Variants in AP4E1 observed in about 807,000 individuals in gnomAD.
AP4E1 encodes AP-4 complex subunit epsilon-1.
In AP4E1, 56 loss-of-function variants were observed where a neutral mutation model predicts 128.2. The ratio of observed to expected loss-of-function variants is 0.44; its 90% CI spans 0.35 to 0.55. The LOEUF (loss-of-function observed/expected upper bound fraction) is 0.55, where lower values mean the gene tolerates loss of function less well. Among genes scored for constraint, AP4E1 ranks in the 20% least tolerant of loss-of-function variants. AP4E1 has a pLI of 0.00. For synonymous variants in AP4E1, 484 were observed against 473.1 expected, an observed-to-expected ratio of 1.02 and a Z score of -0.30; for missense variants, 1,324 against 1,307.7, an observed-to-expected ratio of 1.01 and a Z score of -0.19.
chr15:51,005,164 G>A lies in AP4E1; in HGVS notation c.*2502G>A, dbSNP rs1362477198. The A allele has an allele frequency of 1.3e-5, 2 of 152,380 alleles. No homozygotes were observed. Among genetic ancestry groups the A allele is most frequent in the South Asian group, 2.1e-4 (1 of 4,836 alleles). The allele number at this position is 152,380 out of a possible 1,614,324, so 9.4% of individuals were successfully genotyped here. On this transcript the variant is annotated 3_prime_UTR_variant, in exon 21 of 21. Transcript: ENST00000261842. ...GCCTCCCAAAGTGCTGGGATTACAGGCGTGAGCCACTGCGCCCGGCCAAAT... is the reference window on the plus strand; with the variant it reads ...GCCTCCCAAAGTGCTGGGATTACAGACGTGAGCCACTGCGCCCGGCCAAAT...
chr15:50,922,455 G>T (rs2063717106), intron 3 of AP4E1, among the ~76,000 whole-genome samples: 1 of 152,164 alleles, frequency 6.6e-6, no homozygotes, highest in South Asian at 2.1e-4. Context: ...CTCTAGTGAA[G>T]GTGTTGGAAT....
intron 16 of AP4E1, among the ~76,000 whole-genome samples, chr15:50,990,824 A>T (rs2064796468): frequency 6.6e-6 from 1 of 152,022 alleles, no homozygotes; most frequent in African/African-American, 2.4e-5. Flanking sequence ...CTCCTTTTGT[A>T]CCTCCTGCCC....
At chr15:50,937,939 A>G (rs1031722259) in intron 8 of AP4E1, among the ~76,000 whole-genome samples, 11 of 152,202 alleles carry the variant, frequency 7.2e-5, no homozygotes, top group African/African-American at 2.4e-4. Context: ...TGATAACATG[A>G]GAATATCATT....
intron 5 of AP4E1, among the ~76,000 whole-genome samples, chr15:50,926,609 T>C (rs2063772114): frequency 6.6e-6 from 1 of 151,916 alleles, no homozygotes; most frequent in Non-Finnish European, 1.5e-5. Context: ...GTATTCTTTT[T>C]TTTTTTTGAG....
In AP4E1 at chr15:50,997,316, A is replaced by G. The variant is rs1477330909; in HGVS notation, c.2347-10A>G. 1 of 1,580,830 alleles carries G rather than the reference A, an allele frequency of 6.3e-7. No individual in the cohort carries two copies. The highest frequency in any genetic ancestry group is 8.5e-7 in the Non-Finnish European group (1 of 1,169,676). ...ATTTCTTTTTATATTATTATGTTTT[A>G]TTTTTGCAGCTGGGAAAAGCAGATA... is the stretch of plus-strand genomic sequence containing the variant. On this transcript the variant is annotated splice_polypyrimidine_tract_variant and intron_variant, in intron 17 of 20. Coordinates refer to ENST00000261842, the MANE Select transcript of AP4E1 (RefSeq NM_007347.5).
intron 15 of AP4E1, among the ~76,000 whole-genome samples, chr15:50,971,433 T>C (rs1239521246): frequency 6.6e-6 from 1 of 152,138 alleles, no homozygotes; most frequent in East Asian, 1.9e-4. Context: ...AGGACCTGCT[T>C]GGGGTTGAAT....
chr15:50,949,795 G>A (rs2064119436), intron 11 of AP4E1, 31 bp from the exon 12 acceptor site: 1 of 1,476,854 alleles, frequency 6.8e-7, no homozygotes, highest in African/African-American at 1.4e-5. Context: ...GTAGCATTTG[G>A]AAGTGTACTT....
intron 7 of AP4E1, 51 bp downstream of exon 7, chr15:50,931,022 G>A (rs1230220722): frequency 1.9e-6 from 3 of 1,602,862 alleles, no homozygotes; most frequent in Admixed American, 1.7e-5. Context: ...CAGATGATAA[G>A]CTTAGACTTT....
chr15:50,967,488 A>G (rs1292157210), intron 14 of AP4E1, among the ~76,000 whole-genome samples: 2 of 152,188 alleles, frequency 1.3e-5, no homozygotes, highest in East Asian at 3.9e-4. Context: ...CAAGAAACAG[A>G]TTCCCCTGGT....
chr15:51,005,601 A>G lies in AP4E1; in HGVS notation c.*2939A>G, dbSNP rs2065009307. 1 of 152,580 alleles carries G rather than the reference A, an allele frequency of 6.6e-6. No individual in the cohort carries two copies. Among genetic ancestry groups the G allele is most frequent in the African/African-American group, 2.4e-5 (1 of 41,456 alleles). The allele number at this position is 152,580 out of a possible 1,614,324, so 9.5% of individuals were successfully genotyped here. On this transcript the variant is annotated 3_prime_UTR_variant, in exon 21 of 21. Coordinates refer to ENST00000261842, the MANE Select transcript of AP4E1 (RefSeq NM_007347.5). ...TGTTCTACTATCATCTACCAAAATA[A>G]TTGTGGTAAAAGTGTAGTATTTTAT... is the stretch of plus-strand genomic sequence containing the variant.
chr15:50,946,562 T>TG (rs1479870593), intron 10 of AP4E1, among the ~76,000 whole-genome samples: 1 of 150,362 alleles, frequency 6.7e-6, no homozygotes, highest in Non-Finnish European at 1.5e-5. Context: ...CTTTCAGCGT[T>TG]GAAAAAAAAA....
At position 50,964,955 on chromosome 15, in the gene AP4E1, C is replaced by CCCCACACACACACACACACA. The variant is rs1555459128; in HGVS notation, c.1852-3307_1852-3306insCCACACACACACACACACAC. On this transcript the variant is annotated intron_variant, in intron 14 of 20. Coordinates refer to ENST00000261842, the MANE Select transcript of AP4E1 (RefSeq NM_007347.5). ...TTGTAAAGTATAACACCTCCCCCTA[C>CCCCACACACACACACACACA]CACACACACACACACACACACACAC... Among the ~76,000 whole-genome samples the CCCCACACACACACACACACA allele has an allele frequency of 6.2e-4, 82 of 131,458 alleles. 1 individual carries two copies. The highest frequency in any genetic ancestry group is 9.3e-4 in the African/African-American group (31 of 33,206). The allele number at this position is 131,458 out of a possible 152,430, so 86.2% of individuals were successfully genotyped here.
At chr15:50,920,748 C>A (rs7181222) in intron 3 of AP4E1, among the ~76,000 whole-genome samples, 1 of 152,058 alleles carries the variant, frequency 6.6e-6, no homozygotes, top group African/African-American at 2.4e-5. Flanking sequence ...CTCATCCACT[C>A]CTGAATTTTA....
chr15:50,920,963 C>T (rs1014662249), intron 3 of AP4E1, among the ~76,000 whole-genome samples: 6 of 151,928 alleles, frequency 3.9e-5, no homozygotes, highest in Non-Finnish European at 8.8e-5. Context: ...CCATCACACC[C>T]GGCTAATTTT....
intron 6 of AP4E1, among the ~76,000 whole-genome samples, chr15:50,929,420 G>C (rs1340983314): frequency 6.6e-6 from 1 of 150,486 alleles, no homozygotes; most frequent in Non-Finnish European, 1.5e-5. Context: ...GGTATCAGTG[G>C]AAGGTGTCTT....
chr15:50,921,804 T>G (rs950897362), intron 3 of AP4E1, among the ~76,000 whole-genome samples: 1 of 152,214 alleles, frequency 6.6e-6, no homozygotes, highest in African/African-American at 2.4e-5. Flanking sequence ...GTTATTATTC[T>G]TTGTTTCTCT....
chr15:50,976,966 A>G (rs2064560696), intron 15 of AP4E1, among the ~76,000 whole-genome samples: 1 of 152,238 alleles, frequency 6.6e-6, no homozygotes, highest in Non-Finnish European at 1.5e-5. Context: ...TTTATATGTT[A>G]TTTAGCACAG....
chr15:50,967,814 T>C (rs2064414035), intron 14 of AP4E1, among the ~76,000 whole-genome samples: 1 of 152,358 alleles, frequency 6.6e-6, no homozygotes, highest in East Asian at 1.9e-4. Flanking sequence ...GGTAGCATTT[T>C]CATTCATTCA....
At chr15:50,954,633 G>T (rs1271205742) in intron 13 of AP4E1, among the ~76,000 whole-genome samples, 1 of 152,172 alleles carries the variant, frequency 6.6e-6, no homozygotes, top group Non-Finnish European at 1.5e-5. Context: ...TATGATTTCA[G>T]TTCTTTCAAA....
Sources: gnomAD v4.1 joint callset for allele counts (sites outside exome capture counted in the v4.1 genomes callset) on GRCh38, gnomAD v4.1.1 for gene constraint, MANE v1.5 for transcripts, NCBI Gene and HGNC (gene_info 2026-07-23, HGNC 2026-07-21) for gene names.